The following SHISA9 variants were observed in gnomAD, a reference collection of about 807,000 sequenced individuals.
SHISA9 encodes the protein shisa family member 9.
A neutral mutation model predicts 38.0 loss-of-function variants in SHISA9; 13 were observed. The observed-to-expected ratio is 0.34, with a 90% CI of 0.22 to 0.54. SHISA9 has a LOEUF of 0.54. Among genes scored for constraint, SHISA9 ranks in the 20% least tolerant of loss-of-function variants. The probability of loss-of-function intolerance (pLI) is 0.91; values close to 1 mark genes in which losing one functional copy is unlikely to be tolerated. For missense variants in SHISA9, 538 were observed against 575.8 expected (o/e 0.93, Z 0.67); for synonymous variants, 275 against 242.0 (o/e 1.14, Z -1.27).
the SHISA9 span, among the ~76,000 whole-genome samples, chr16:13,553,503 T>C: frequency 3.9e-5 from 6 of 152,158 alleles, no homozygotes; most frequent in Admixed American, 3.3e-4. Flanking sequence ...GGATTCGATC[T>C]TGTGTCCATG....
the SHISA9 span, among the ~76,000 whole-genome samples, chr16:13,367,705 C>CGT: frequency 4.2e-4 from 40 of 96,112 alleles, no homozygotes; most frequent in Middle Eastern, 5.1e-3. Context: ...CGTGCGCGCG[C>CGT]GCGCGCGCAC....
At chr16:13,535,613 A>G in the SHISA9 span, among the ~76,000 whole-genome samples, 3 of 152,354 alleles carry the variant, frequency 2.0e-5, no homozygotes, top group African/African-American at 7.2e-5. Flanking sequence ...CACAAAGTCT[A>G]AAATTCTTAC....
intron 2 of SHISA9, among the ~76,000 whole-genome samples, chr16:13,133,281 T>C (rs1220899786): frequency 1.3e-5 from 2 of 152,188 alleles, no homozygotes; most frequent in Non-Finnish European, 2.9e-5. Flanking sequence ...TCCTAGCCTC[T>C]CTCATGATGA....
chr16:13,561,131 T>C, the SHISA9 span, among the ~76,000 whole-genome samples: 66,352 of 152,032 alleles, frequency 0.44, 15,331 homozygotes, highest in East Asian at 0.83. Flanking sequence ...GCCTCCATAG[T>C]GCTGGGATTA....
At chr16:13,118,786 A>G (rs542752321) in intron 2 of SHISA9, among the ~76,000 whole-genome samples, 2 of 146,874 alleles carry the variant, frequency 1.4e-5, no homozygotes, top group South Asian at 2.1e-4. Context: ...CTGGAATGCA[A>G]TGGCGTGATC....
At chr16:13,498,482 C>T in the SHISA9 span, among the ~76,000 whole-genome samples, 8 of 152,196 alleles carry the variant, frequency 5.3e-5, no homozygotes, top group East Asian at 5.8e-4. Context: ...CACGGCTGGG[C>T]GCAGTGGCTC....
chr16:13,127,355 A>C (rs2050270312), intron 2 of SHISA9, among the ~76,000 whole-genome samples: 1 of 115,738 alleles, frequency 8.6e-6, no homozygotes, highest in Non-Finnish European at 1.8e-5. Context: ...GGGAGGGAGA[A>C]GGAGGGAAGG....
rs1195268127 is a variant in SHISA9, at chr16:13,240,012, GT to G, written c.*4604del. ...GAAACCAGAACAAAGCAGACAGGCT[GT>G]CCTCTTCCTAATTCCATGCCCTGAC... On this transcript the variant is annotated 3_prime_UTR_variant, in exon 5 of 5. Coordinates refer to ENST00000558583, the MANE Select transcript of SHISA9 (RefSeq NM_001145204.3). 1.3e-5 allele frequency: 2 copies of G among 152,284 alleles called. No homozygotes were observed. Among genetic ancestry groups the G allele is most frequent in the East Asian group, 3.9e-4 (2 of 5,192 alleles). The allele number at this position is 152,284 out of a possible 1,614,324, so 9.4% of individuals were successfully genotyped here.
chr16:13,370,911 T>C, the SHISA9 span, among the ~76,000 whole-genome samples: 1 of 152,188 alleles, frequency 6.6e-6, no homozygotes, highest in African/African-American at 2.4e-5. Context: ...TGGGCACTTT[T>C]CTTAGTGCTT....
the SHISA9 span, among the ~76,000 whole-genome samples, chr16:13,530,843 GA>G: frequency 6.6e-6 from 1 of 152,156 alleles, no homozygotes; most frequent in African/African-American, 2.4e-5. Context: ...ATTGGTTCAG[GA>G]ATGGTCATGT....
chr16:13,296,891 CAAAAAAAAAAAAAAAA>C, the SHISA9 span, among the ~76,000 whole-genome samples: 21 of 26,588 alleles, frequency 7.9e-4, no homozygotes, highest in East Asian at 1.4e-3. Flanking sequence ...AACTCCATCT[CAAAAAAAAAAAAAAAA>C]AAAAAAAAAA....
At chr16:13,478,855 CAAT>C in the SHISA9 span, among the ~76,000 whole-genome samples, 1 of 152,140 alleles carries the variant, frequency 6.6e-6, no homozygotes, top group African/African-American at 2.4e-5. Context: ...GACCTGTACT[CAAT>C]AAGCCACCTG....
In SHISA9 at chr16:13,133,685, G is replaced by T. The variant is rs533864259; in HGVS notation, c.692-69709G>T. On this transcript the variant is annotated intron_variant, in intron 2 of 4. Transcript: ENST00000558583. ...GCCCACATTACCCAAGGGAAGCAAC[G>T]TGTCAAACCAGGCTATAGGCTTTGC... 2.0e-5 allele frequency among the ~76,000 whole-genome samples: 3 copies of T among 152,314 alleles called. No homozygotes were observed. The East Asian group carries it at 5.8e-4, about 29-fold the overall frequency.
the SHISA9 span, among the ~76,000 whole-genome samples, chr16:13,500,222 C>G: frequency 0.29 from 43,770 of 152,078 alleles, 6,861 homozygotes; most frequent in East Asian, 0.37. Flanking sequence ...GCTCACTTTT[C>G]TCTCTCTTGC....
chr16:12,977,309 A>G (rs2072177029), intron 2 of SHISA9, among the ~76,000 whole-genome samples: 1 of 152,174 alleles, frequency 6.6e-6, no homozygotes, highest in African/African-American at 2.4e-5. Flanking sequence ...GGGAGAGCAC[A>G]GTTCAACTTA....
the SHISA9 span, among the ~76,000 whole-genome samples, chr16:13,368,750 A>C: frequency 5.3e-5 from 7 of 131,344 alleles, no homozygotes; most frequent in East Asian, 1.3e-3. Flanking sequence ...AAAAAAAAAA[A>C]ACCCACTGGG....
At chr16:13,475,228 C>T in the SHISA9 span, among the ~76,000 whole-genome samples, 15 of 151,918 alleles carry the variant, frequency 9.9e-5, no homozygotes, top group African/African-American at 3.6e-4. Context: ...TAGGGATTGG[C>T]TTACAGGCGA....
chr16:13,078,299 C>G (rs1052087284), intron 2 of SHISA9, among the ~76,000 whole-genome samples: 5 of 152,220 alleles, frequency 3.3e-5, no homozygotes, highest in African/African-American at 1.2e-4. Flanking sequence ...TTTAGATCGT[C>G]TCTAGGTTAC....
chr16:12,983,332 G>T (rs1022039065), intron 2 of SHISA9, among the ~76,000 whole-genome samples: 7 of 152,152 alleles, frequency 4.6e-5, no homozygotes, highest in African/African-American at 1.7e-4. Context: ...TGGAACCTTG[G>T]TTTCTCCCTC....
Sources: gnomAD v4.1 joint callset for allele counts (sites outside exome capture counted in the v4.1 genomes callset) on GRCh38, gnomAD v4.1.1 for gene constraint, MANE v1.5 for transcripts, NCBI Gene and HGNC (gene_info 2026-07-23, HGNC 2026-07-21) for gene names.